ABCG1: variants seen among roughly 807,000 people sequenced by gnomAD.
ABCG1 encodes the protein ATP binding cassette subfamily G member 1.
ABCG1 carries 29 observed loss-of-function variants against 69.2 expected under a neutral mutation model. That is an observed-to-expected ratio of 0.42 (90% CI 0.31 to 0.57). ABCG1 has a LOEUF of 0.57. Ranked by LOEUF, ABCG1 falls within the 20% of genes least tolerant of loss-of-function variation. The pLI, the probability that ABCG1 is intolerant of heterozygous loss-of-function variation, is 0.15. For missense variants in ABCG1, 718 were observed against 898.1 expected (o/e 0.80, Z 2.56); for synonymous variants, 370 against 374.8 (o/e 0.99, Z 0.15).
chr21:42,239,952 G>T (rs974804439), intron 2 of ABCG1, among the ~76,000 whole-genome samples: 12 of 152,238 alleles, frequency 7.9e-5, no homozygotes, highest in African/African-American at 2.7e-4. Context: ...TCTGGTGATT[G>T]CCAGGCTTCC....
intron 1 of ABCG1, among the ~76,000 whole-genome samples, chr21:42,222,914 C>G (rs1398348115): frequency 2.0e-5 from 3 of 152,172 alleles, no homozygotes; most frequent in Non-Finnish European, 2.9e-5. Context: ...TGGCCTGTCC[C>G]CTTTCCTTCA....
At chr21:42,242,414 T>A (rs1356270396) in intron 2 of ABCG1, among the ~76,000 whole-genome samples, 2 of 151,726 alleles carry the variant, frequency 1.3e-5, no homozygotes, top group African/African-American at 4.8e-5. Flanking sequence ...GCGGGGAGGG[T>A]TGCTTGAGGC....
In ABCG1 at chr21:42,219,887, CG is replaced by C; in HGVS notation, c.42+587del. ...ACTCGGGGAGGCGGCGGCGAAGGCC[CG>C]GGGAGACCCGCGAGGGGCAAGCCCG... On this transcript the variant is annotated intron_variant, in intron 1 of 14. Transcript: ENST00000398449. This position sits in a 1 kb window ranked among gnomAD's most constrained non-coding sequence, Gnocchi z 5.3. 1 of 1,544,410 alleles carries C rather than the reference CG, an allele frequency of 6.5e-7. No individual in the cohort carries two copies.
At position 42,273,307 on chromosome 21, in the gene ABCG1, A is replaced by G. The variant is rs1299146937; in HGVS notation, c.409A>G (p.Thr137Ala). The G allele has an allele frequency of 2.0e-5, 32 of 1,612,264 alleles. No homozygotes were observed. Among genetic ancestry groups the G allele is most frequent in the Admixed American group, 6.7e-5 (4 of 59,918 alleles). The stretch of plus-strand genomic sequence containing the variant: ...CTCCTGTCCTTGGTTCTGCAGGGAG[A>G]CGGGCATGAAGGGGGCCGTCCTCAT... ...LMNILAGYRE[T>A]GMKGAVLING... The change falls in exon 4 of 15, where the codon ACG becomes GCG. Residue 137 changes from threonine to alanine, a missense_variant. Physicochemically the swap from Thr to Ala is moderately conservative, Grantham distance 58. Around this residue, in one of 2 missense-constraint regions of ABCG1, gnomAD observed 514 missense variants for 574.3 expected, o/e 0.90. Transcript: ENST00000398449. This position sits in a 1 kb window ranked among gnomAD's most constrained non-coding sequence, Gnocchi z 5.3.
intron 2 of ABCG1, among the ~76,000 whole-genome samples, chr21:42,250,086 C>T (rs1048695759): frequency 3.3e-5 from 5 of 149,730 alleles, no homozygotes; most frequent in Admixed American, 1.3e-4. Flanking sequence ...TCTTGGGTCA[C>T]GTGTGAACAC....
intron 2 of ABCG1, among the ~76,000 whole-genome samples, chr21:42,230,148 CA>C (rs1267917569): frequency 6.6e-6 from 1 of 152,198 alleles, no homozygotes; most frequent in African/African-American, 2.4e-5. Flanking sequence ...TTGAGCTTGA[CA>C]GTTACTAAGC....
chr21:42,280,250 C>T (rs55874718), intron 5 of ABCG1, among the ~76,000 whole-genome samples: 1 of 152,272 alleles, frequency 6.6e-6, no homozygotes, highest in African/African-American at 2.4e-5. Flanking sequence ...CTCCAACCCC[C>T]GATGTGCACC....
chr21:42,270,961 G>T (rs2068605636), intron 2 of ABCG1, 109 bp from the exon 3 acceptor site: 4 of 624,952 alleles, frequency 6.4e-6, no homozygotes. Context: ...TTTCTATGAT[G>T]CATGTCAAAG....
At chr21:42,249,283 T>G (rs1478614980) in intron 2 of ABCG1, among the ~76,000 whole-genome samples, 1 of 152,068 alleles carries the variant, frequency 6.6e-6, no homozygotes, top group Non-Finnish European at 1.5e-5. Flanking sequence ...GTGGGCACAT[T>G]TATTTTTCAT....
intron 2 of ABCG1, among the ~76,000 whole-genome samples, chr21:42,209,594 G>A (rs938307974): frequency 6.6e-6 from 1 of 152,176 alleles, no homozygotes; most frequent in African/African-American, 2.4e-5. Context: ...GTGGCTTTGG[G>A]CCTCTGACTT....
intron 2 of ABCG1, among the ~76,000 whole-genome samples, chr21:42,240,204 G>A (rs1287766249): frequency 1.3e-5 from 2 of 152,184 alleles, no homozygotes; most frequent in Non-Finnish European, 1.5e-5. Context: ...ACGGCCACAC[G>A]AGGCACTGCT....
At chr21:42,210,060 TC>T (rs1601331422) in intron 2 of ABCG1, among the ~76,000 whole-genome samples, 1 of 151,766 alleles carries the variant, frequency 6.6e-6, no homozygotes, top group East Asian at 1.9e-4. Flanking sequence ...TTCCTTCGTC[TC>T]CGGCTCTACT....
At chr21:42,243,447 CGT>C (rs869095111) in intron 2 of ABCG1, among the ~76,000 whole-genome samples, 12,114 of 81,264 alleles carry the variant, frequency 0.15, 651 homozygotes, top group Non-Finnish European at 0.19. Flanking sequence ...TGTGTGTGCG[CGT>C]GTGTGTGTGT....
At position 42,261,470 on chromosome 21, in the gene ABCG1, A is replaced by G. The variant is rs547979392; in HGVS notation, c.287-9600A>G. The stretch of plus-strand genomic sequence containing the variant: ...ACAGACAAGCAGGATAGCAAACTCC[A>G]TCGCAGACTCCCTGGCCTGGTCGAA... On this transcript the variant is annotated intron_variant, in intron 2 of 14. Coordinates refer to ENST00000398449, the MANE Select transcript of ABCG1 (RefSeq NM_016818.3). Among the ~76,000 whole-genome samples the G allele has an allele frequency of 1.6e-4, 25 of 152,290 alleles. 1 individual carries two copies. The highest frequency in any genetic ancestry group is 1.3e-3 in the Admixed American group (20 of 15,296).
chr21:42,282,513 C>T (rs946464544), intron 6 of ABCG1, 94 bp downstream of exon 6: 4 of 1,439,424 alleles, frequency 2.8e-6, no homozygotes, highest in Non-Finnish European at 3.7e-6. Flanking sequence ...CTGATGTAGC[C>T]TCAGAGGGGG....
intron 2 of ABCG1, chr21:42,259,524 G>A: frequency 6.5e-7 from 1 of 1,536,798 alleles, no homozygotes; most frequent in Non-Finnish European, 8.8e-7. Context: ...ACTGAGGCTG[G>A]CTGGCTGGAG....
intron 2 of ABCG1, among the ~76,000 whole-genome samples, chr21:42,247,540 A>C (rs1196909929): frequency 6.6e-6 from 1 of 152,204 alleles, no homozygotes; most frequent in Non-Finnish European, 1.5e-5. Context: ...CTTTCTGGGA[A>C]GCATTTGGGT....
At chr21:42,277,747 G>A (rs1038660662) in intron 5 of ABCG1, among the ~76,000 whole-genome samples, 2 of 152,218 alleles carry the variant, frequency 1.3e-5, no homozygotes, top group Admixed American at 1.3e-4. Flanking sequence ...GGGGTTTGCC[G>A]GGTTAGTGCC....
At position 42,296,979 on chromosome 21, in the gene ABCG1, T is replaced by G. The variant is rs1452427817; in HGVS notation, c.*587T>G. 1 of 160,434 alleles carries G rather than the reference T, an allele frequency of 6.2e-6. No individual in the cohort carries two copies. The highest frequency in any genetic ancestry group is 1.4e-5 in the Non-Finnish European group (1 of 71,820). The allele number at this position is 160,434 out of a possible 1,614,324, so 9.9% of individuals were successfully genotyped here. ...CTTTTTAGTACTTGCTGAAGAATGA[T>G]TCAGGGTAAATCACATACTTTGTTT... On this transcript the variant is annotated 3_prime_UTR_variant, in exon 15 of 15. Coordinates refer to ENST00000398449, the MANE Select transcript of ABCG1 (RefSeq NM_016818.3). This position sits in a 1 kb window ranked among gnomAD's most constrained non-coding sequence, Gnocchi z 5.4.
Sources: gnomAD v4.1 joint callset for allele counts (sites outside exome capture counted in the v4.1 genomes callset) on GRCh38, gnomAD v4.1.1 for gene constraint, gnomAD v4.1.1 regional missense constraint, Gnocchi (gnomAD v3.1) non-coding constraint, MANE v1.5 for transcripts, NCBI Gene and HGNC (gene_info 2026-07-23, HGNC 2026-07-21) for gene names.